The following SYNDIG1 variants were observed in gnomAD, a reference collection of about 807,000 sequenced individuals.
SYNDIG1 encodes synapse differentiation-inducing gene protein 1.
Under a neutral mutation model 19.4 loss-of-function variants are expected in SYNDIG1, and 9 were observed. The ratio of observed to expected loss-of-function variants is 0.46; its 90% CI spans 0.28 to 0.81. The LOEUF (loss-of-function observed/expected upper bound fraction) is 0.81. Among genes scored for constraint, SYNDIG1 ranks in the 30% least tolerant of loss-of-function variants. The pLI is 0.12. For synonymous variants in SYNDIG1, 141 were observed against 145.9 expected, an observed-to-expected ratio of 0.97 and a Z score of 0.24; for missense variants, 311 against 343.3, an observed-to-expected ratio of 0.91 and a Z score of 0.74.
intron 1 of SYNDIG1, among the ~76,000 whole-genome samples, chr20:24,517,999 G>A (rs1351319165): frequency 6.6e-6 from 1 of 151,292 alleles, no homozygotes; most frequent in Non-Finnish European, 1.5e-5. Flanking sequence ...TAGAGATGGG[G>A]CTTCTCCGTG....
chr20:24,472,621 T>G (rs1255389856), intron 1 of SYNDIG1, among the ~76,000 whole-genome samples: 1 of 152,230 alleles, frequency 6.6e-6, no homozygotes, highest in Non-Finnish European at 1.5e-5. Context: ...TTGGTCATCC[T>G]CCAGGTCACA....
intron 3 of SYNDIG1, among the ~76,000 whole-genome samples, chr20:24,661,069 C>T (rs113762765): frequency 0.011 from 1,678 of 152,338 alleles, 35 homozygotes; most frequent in African/African-American, 0.038. Flanking sequence ...CTCAGCACAC[C>T]GTCAGTCCTT....
Position 24,543,239 on chromosome 20 carries a change from T to G in SYNDIG1, c.142T>G (p.Tyr48Asp), listed in dbSNP as rs1228978395. ...GLVSVYPAPQ[Y>D]QSHRVGASTV... ...GGTGTCTGTTTACCCAGCGCCCCAG[T>G]ACCAGAGCCACCGGGTGGGGGCCAG... The change falls in exon 2 of 4, where the codon TAC becomes GAC. Residue 48 changes from tyrosine (Y) to aspartate (D), a missense_variant. Tyr to Asp is a radical substitution (Grantham distance 160, BLOSUM62 -3). Transcript: ENST00000376862. The G allele has an allele frequency of 1.2e-6, 2 of 1,613,756 alleles. No individual in the cohort carries two copies. Among genetic ancestry groups the G allele is most frequent in the Non-Finnish European group, 1.7e-6 (2 of 1,179,982 alleles).
chr20:24,503,667 A>G (rs1477629129), intron 1 of SYNDIG1, among the ~76,000 whole-genome samples: 1 of 149,648 alleles, frequency 6.7e-6, no homozygotes, highest in Admixed American at 6.7e-5. Flanking sequence ...GAACTCATTT[A>G]TTGAGCTCAT....
At chr20:24,544,419 C>T (rs941034565) in intron 2 of SYNDIG1, among the ~76,000 whole-genome samples, 2 of 152,144 alleles carry the variant, frequency 1.3e-5, no homozygotes, top group Non-Finnish European at 2.9e-5. Flanking sequence ...GGAAGGAAAC[C>T]GCCGAGCAGG....
intron 2 of SYNDIG1, among the ~76,000 whole-genome samples, chr20:24,550,479 A>G (rs1384650035): frequency 6.8e-6 from 1 of 147,698 alleles, no homozygotes; most frequent in African/African-American, 2.5e-5. Flanking sequence ...TTATTTTTTC[A>G]TCCTTTAATC....
chr20:24,536,130 G>T (rs535971478), intron 1 of SYNDIG1, among the ~76,000 whole-genome samples: 1 of 152,186 alleles, frequency 6.6e-6, no homozygotes, highest in Admixed American at 6.5e-5. Flanking sequence ...CAGTGCAGCC[G>T]CGATGACTTG....
intron 3 of SYNDIG1, among the ~76,000 whole-genome samples, chr20:24,609,314 G>A (rs138755912): frequency 4.3e-4 from 66 of 152,324 alleles, no homozygotes; most frequent in African/African-American, 1.6e-3. Flanking sequence ...GTGCTTTGAC[G>A]TGGAAGGCGG....
At chr20:24,633,498 A>C (rs534529279) in intron 3 of SYNDIG1, among the ~76,000 whole-genome samples, 1 of 152,256 alleles carries the variant, frequency 6.6e-6, no homozygotes, top group East Asian at 1.9e-4. Flanking sequence ...ACGGGGGGGA[A>C]TGTTCCAAAG....
At chr20:24,655,980 C>T (rs780393873) in intron 3 of SYNDIG1, among the ~76,000 whole-genome samples, 11 of 152,204 alleles carry the variant, frequency 7.2e-5, no homozygotes, top group African/African-American at 2.2e-4. Context: ...CAGACACCAT[C>T]GTGCGTGTAC....
chr20:24,506,129 G>C (rs1299889255), intron 1 of SYNDIG1, among the ~76,000 whole-genome samples: 3 of 152,190 alleles, frequency 2.0e-5, no homozygotes, highest in Non-Finnish European at 4.4e-5. Flanking sequence ...GGCACCGCCA[G>C]GTCTGGTTCA....
intron 2 of SYNDIG1, among the ~76,000 whole-genome samples, chr20:24,559,255 T>G (rs370027771): frequency 6.6e-6 from 1 of 152,034 alleles, no homozygotes; most frequent in South Asian, 2.1e-4. Flanking sequence ...AAGACAAACA[T>G]CACATGTTCA....
intron 2 of SYNDIG1, among the ~76,000 whole-genome samples, chr20:24,556,176 T>G (rs570529412): frequency 1.3e-5 from 2 of 152,310 alleles, no homozygotes; most frequent in Admixed American, 1.3e-4. Context: ...TCCTCCATCC[T>G]TTTATTTTGA....
chr20:24,519,393 G>A (rs1478641904), intron 1 of SYNDIG1, among the ~76,000 whole-genome samples: 2 of 152,168 alleles, frequency 1.3e-5, no homozygotes, highest in African/African-American at 4.8e-5. Context: ...CTGAGGTTTA[G>A]TAAAAACCAA....
In SYNDIG1 at chr20:24,475,082, A is replaced by G. The variant is rs77814203; in HGVS notation, c.-79+5329A>G. On this transcript the variant is annotated intron_variant, in intron 1 of 3. Transcript: ENST00000376862. ...TGTTACAGAAACTCACTCTTCTGTC[A>G]TGAGTACAATAGGCAGTTTTTAACT... Among the ~76,000 whole-genome samples, 927 of 152,360 alleles carry G rather than the reference A, an allele frequency of 6.1e-3. 10 individuals carry two copies. Among genetic ancestry groups the G allele is most frequent in the African/African-American group, 0.022 (899 of 41,586 alleles).
At chr20:24,559,335 A>G (rs1195719386) in intron 2 of SYNDIG1, among the ~76,000 whole-genome samples, 1 of 152,186 alleles carries the variant, frequency 6.6e-6, no homozygotes, top group African/African-American at 2.4e-5. Context: ...AAATTGGTTA[A>G]TGGGGTACAA....
intron 2 of SYNDIG1, among the ~76,000 whole-genome samples, chr20:24,570,638 A>C (rs1393254830): frequency 6.6e-6 from 1 of 152,222 alleles, no homozygotes; most frequent in East Asian, 1.9e-4. Flanking sequence ...TAAAATCCAA[A>C]ATGTTGAAAA....
Position 24,592,383 on chromosome 20 carries a change from A to C in SYNDIG1, c.618+7390A>C, listed in dbSNP as rs530146138. ...TCTTTATGGCTGGTGTGTGGGATGC[A>C]ATGTTTTCTATCCATTTCCCAGAAA... On this transcript the variant is annotated intron_variant, in intron 3 of 3. Transcript: ENST00000376862. 5.3e-5 allele frequency among the ~76,000 whole-genome samples: 8 copies of C among 152,222 alleles called. No homozygotes were observed. In the East Asian group the frequency reaches 1.5e-3, roughly 29 times the overall value.
intron 2 of SYNDIG1, among the ~76,000 whole-genome samples, chr20:24,543,826 T>C (rs1179681720): frequency 6.6e-6 from 1 of 152,122 alleles, no homozygotes; most frequent in African/African-American, 2.4e-5. Flanking sequence ...CCCCAGGTAA[T>C]GGCTGCAGAT....
Sources: allele counts gnomAD v4.1 joint callset (sites outside exome capture counted in the v4.1 genomes callset), GRCh38; gene constraint gnomAD v4.1.1; transcripts MANE v1.5; gene names NCBI Gene and HGNC (gene_info 2026-07-23, HGNC 2026-07-21).